CCDC146: variants seen among roughly 807,000 people sequenced by gnomAD.
CCDC146 encodes the protein coiled-coil domain containing 146, also known as coiled-coil domain-containing protein 146.
In CCDC146, 92 loss-of-function variants were observed where a neutral mutation model predicts 119.3. The observed-to-expected ratio is 0.77, with a 90% CI of 0.65 to 0.92. The LOEUF (loss-of-function observed/expected upper bound fraction) is 0.92, where lower values mean the gene tolerates loss of function less well. Ranked by LOEUF, CCDC146 falls within the 40% of genes least tolerant of loss-of-function variation. CCDC146 has a pLI of 0.00. For missense variants in CCDC146, 1,000 were observed against 1,103.0 expected (o/e 0.91, Z 1.32); for synonymous variants, 372 against 371.8 (o/e 1.00, Z -0.01).
In CCDC146 at chr7:77,160,862, G is replaced by A. The variant is rs1313186382; in HGVS notation, c.-11-6796G>A. Among the ~76,000 whole-genome samples, 18 of 152,224 alleles carry A rather than the reference G, an allele frequency of 1.2e-4. No individual in the cohort carries two copies. In the East Asian group the frequency reaches 3.3e-3, roughly 28 times the overall value. On this transcript the variant is annotated intron_variant, in intron 1 of 18. Coordinates refer to ENST00000285871, the MANE Select transcript of CCDC146 (RefSeq NM_020879.3). ...GAGTGAACAGGAAACCTACAAAATG[G>A]GAGAAAATTTTTGCAACCTACTCAT...
intron 1 of CCDC146, among the ~76,000 whole-genome samples, chr7:77,150,671 T>C (rs920311187): frequency 1.3e-5 from 2 of 152,114 alleles, no homozygotes; most frequent in South Asian, 2.1e-4. Context: ...ATTAAATATA[T>C]GTTTAGATTA....
chr7:77,274,622 A>G lies in CCDC146; in HGVS notation c.1410A>G (p.Glu470=), dbSNP rs1562857974. 1.9e-6 allele frequency: 3 copies of G among 1,610,600 alleles called. No homozygotes were observed. Among genetic ancestry groups the G allele is most frequent in the Non-Finnish European group, 1.7e-6 (2 of 1,179,126 alleles). The change falls in exon 11 of 19, where the codon GAA becomes GAG. Residue 470 remains glutamate, a synonymous_variant. Coordinates refer to ENST00000285871, the MANE Select transcript of CCDC146 (RefSeq NM_020879.3). ...CTCAAATCAAAATTGATGAAAAGGA[A>G]CAAAAGTCCAAGGATTTCCTGAAAG... ...RMTQIKIDEK[E]QKSKDFLKAQ...
chr7:77,130,356 T>C (rs892646241), intron 1 of CCDC146, among the ~76,000 whole-genome samples: 1 of 152,056 alleles, frequency 6.6e-6, no homozygotes, highest in Non-Finnish European at 1.5e-5. Context: ...AAATGAACTA[T>C]GATAAAAATA....
intron 3 of CCDC146, 68 bp downstream of exon 3, chr7:77,237,097 T>A: frequency 7.8e-7 from 1 of 1,280,606 alleles, no homozygotes; most frequent in Non-Finnish European, 1.1e-6. Flanking sequence ...ATGAGACCTG[T>A]CTTCATTTGC....
At chr7:77,289,058 G>A (rs1793898062) in intron 17 of CCDC146, among the ~76,000 whole-genome samples, 1 of 140,108 alleles carries the variant, frequency 7.1e-6, no homozygotes, top group Non-Finnish European at 1.6e-5. Flanking sequence ...ATCACAACTT[G>A]GCCTCCCAAA....
At chr7:77,237,972 C>T (rs1289178671) in intron 3 of CCDC146, among the ~76,000 whole-genome samples, 2 of 152,174 alleles carry the variant, frequency 1.3e-5, no homozygotes, top group Non-Finnish European at 2.9e-5. Context: ...ACTCCCCAGC[C>T]ATCCTCTCCC....
intron 4 of CCDC146, among the ~76,000 whole-genome samples, chr7:77,252,588 C>T (rs1254045426): frequency 1.3e-5 from 2 of 151,956 alleles, no homozygotes; most frequent in Non-Finnish European, 2.9e-5. Context: ...ACTGGAATTG[C>T]CCAGTAAGAA....
intron 4 of CCDC146, among the ~76,000 whole-genome samples, chr7:77,252,918 TG>T (rs1793104066): frequency 6.6e-6 from 1 of 152,184 alleles, no homozygotes; most frequent in African/African-American, 2.4e-5. Context: ...TCACCTTCCT[TG>T]GGCAAATTAG....
At chr7:77,199,371 G>A in intron 2 of CCDC146, 1 of 1,614,078 alleles carries the variant, frequency 6.2e-7, no homozygotes, top group Non-Finnish European at 8.5e-7. Flanking sequence ...TTAGCTCAGA[G>A]GACAGCTTGT....
intron 2 of CCDC146, among the ~76,000 whole-genome samples, chr7:77,175,628 T>G (rs1562823090): frequency 1.3e-5 from 2 of 151,490 alleles, no homozygotes; most frequent in Non-Finnish European, 2.9e-5. Flanking sequence ...AAGTTTCAGT[T>G]GCATGTCAGA....
intron 4 of CCDC146, among the ~76,000 whole-genome samples, chr7:77,249,616 T>C (rs1233346743): frequency 1.3e-5 from 2 of 151,994 alleles, no homozygotes; most frequent in East Asian, 1.9e-4. Flanking sequence ...CTGAAATTAA[T>C]TTAGTGACTC....
chr7:77,271,464 A>G (rs1793511933), intron 9 of CCDC146, among the ~76,000 whole-genome samples: 2 of 113,916 alleles, frequency 1.8e-5, no homozygotes, highest in African/African-American at 3.2e-5. Context: ...TACTTAATAA[A>G]CTCCCCTTTT....
chr7:77,242,747 T>C (rs1233325547), intron 4 of CCDC146, among the ~76,000 whole-genome samples: 2 of 152,202 alleles, frequency 1.3e-5, no homozygotes, highest in African/African-American at 2.4e-5. Context: ...TGGCTATTTT[T>C]AAGAGTAGGT....
At chr7:77,143,860 T>G (rs558654816) in intron 1 of CCDC146, among the ~76,000 whole-genome samples, 33 of 151,840 alleles carry the variant, frequency 2.2e-4, no homozygotes, top group African/African-American at 5.8e-4. Flanking sequence ...GATGCCTCCA[T>G]CTTTGTTCTT....
chr7:77,254,401 G>A, intron 4 of CCDC146, 105 bp from the exon 5 acceptor site: 4 of 651,066 alleles, frequency 6.1e-6, no homozygotes, highest in Non-Finnish European at 1.0e-5. Context: ...TTGCCTGGCC[G>A]ACAAGCATGG....
At chr7:77,203,594 C>T (rs1419532691) in intron 2 of CCDC146, among the ~76,000 whole-genome samples, 4 of 152,134 alleles carry the variant, frequency 2.6e-5, no homozygotes, top group Non-Finnish European at 4.4e-5. Context: ...GAAGAGCTGA[C>T]TTGTCCTTCA....
intron 1 of CCDC146, among the ~76,000 whole-genome samples, chr7:77,135,618 A>T (rs1258968616): frequency 1.3e-5 from 2 of 152,234 alleles, no homozygotes; most frequent in Admixed American, 1.3e-4. Context: ...TGTCTTGCTT[A>T]AAGTCTCAGT....
rs994722848 is a variant in CCDC146, at chr7:77,262,206, G to C, written c.1072G>C (p.Glu358Gln). The C allele has an allele frequency of 1.9e-6, 3 of 1,613,924 alleles. No individual in the cohort carries two copies. The highest frequency in any genetic ancestry group is 2.5e-6 in the Non-Finnish European group (3 of 1,179,944). The change falls in exon 9 of 19, where the codon GAA (glutamate) becomes CAA (glutamine). Residue 358 changes from glutamate to glutamine, a missense_variant. By Grantham distance (29) the Glu-to-Gln change is conservative. Around this residue, in one of 2 missense-constraint regions of CCDC146, gnomAD observed 985 missense variants for 1,045.3 expected, o/e 0.94. Transcript: ENST00000285871. ...DELSRKQREK[E>Q]RDFRNLRKME... ...ACTTTCTCGTAAGCAAAGAGAGAAA[G>C]AACGAGATTTTCGAAATTTAAGAAA...
intron 1 of CCDC146, among the ~76,000 whole-genome samples, chr7:77,151,406 G>A (rs1182162085): frequency 3.3e-5 from 5 of 151,876 alleles, no homozygotes; most frequent in Non-Finnish European, 7.4e-5. Flanking sequence ...GAGGGGATAG[G>A]GTGAGGTACT....
Sources: allele counts gnomAD v4.1 joint callset (sites outside exome capture counted in the v4.1 genomes callset), GRCh38; gene constraint gnomAD v4.1.1; regional missense constraint gnomAD v4.1.1; transcripts MANE v1.5; gene names NCBI Gene and HGNC (gene_info 2026-07-23, HGNC 2026-07-21).